The following TNRC18 variants were observed in gnomAD, a reference collection of about 807,000 sequenced individuals.
The protein encoded by TNRC18 is trinucleotide repeat containing 18.
In TNRC18, 69 loss-of-function variants were observed where a neutral mutation model predicts 226.7. That is an observed-to-expected ratio of 0.30 (90% CI 0.25 to 0.37). TNRC18 has a LOEUF of 0.37. TNRC18 is among the 10% of genes least tolerant of loss of function. The probability of loss-of-function intolerance (pLI) is 1.00; values close to 1 mark genes in which losing one functional copy is unlikely to be tolerated. For synonymous variants in TNRC18, 2,449 were observed against 1,927.6 expected (o/e 1.27, Z -7.09); for missense variants, 4,754 against 4,256.6 (o/e 1.12, Z -3.25).
rs567864119 is a variant in TNRC18, at chr7:5,395,518, C to A, written c.188-923G>T. Reference sequence around the variant, plus strand: ...GGGGCTCTGTCCCACGAGCCCCAAACGCCATCCCCTCTAAGGGAAGACCCT... The same window carrying A: ...GGGGCTCTGTCCCACGAGCCCCAAAAGCCATCCCCTCTAAGGGAAGACCCT... On this transcript the variant is annotated intron_variant, in intron 2 of 29. Coordinates refer to ENST00000430969, the MANE Select transcript of TNRC18 (RefSeq NM_001080495.3). Among the ~76,000 whole-genome samples, 3 of 152,370 alleles carry A rather than the reference C, an allele frequency of 2.0e-5. No individual in the cohort carries two copies. The East Asian group carries it at 5.8e-4, about 29-fold the overall frequency.
chr7:5,367,000 G>A lies in TNRC18; in HGVS notation c.4219+3375C>T, dbSNP rs559681737. Among the ~76,000 whole-genome samples, 66 of 152,298 alleles carry A rather than the reference G, an allele frequency of 4.3e-4. 1 individual carries two copies. Among genetic ancestry groups the A allele is most frequent in the African/African-American group, 1.3e-3 (54 of 41,572 alleles). ...AGGTGACCTCTGTGGGAGACAGGGCGTTTGCAGAGGTGGTCAAGTTCAAGT... is the reference window on the plus strand; with the variant it reads ...AGGTGACCTCTGTGGGAGACAGGGCATTTGCAGAGGTGGTCAAGTTCAAGT... On this transcript the variant is annotated intron_variant, in intron 11 of 29. Coordinates refer to ENST00000430969, the MANE Select transcript of TNRC18 (RefSeq NM_001080495.3).
Position 5,332,615 on chromosome 7 carries a change from C to T in TNRC18, c.6147+7G>A. 2.0e-6 allele frequency: 3 copies of T among 1,521,578 alleles called. No homozygotes were observed. Among genetic ancestry groups the T allele is most frequent in the Non-Finnish European group, 2.6e-6 (3 of 1,136,532 alleles). The allele number at this position is 1,521,578 out of a possible 1,614,324, so 94.3% of individuals were successfully genotyped here. ...TCTGCGGCACCCCCTCCCAGCGCGGCCCCTACCTTCCTGGGGTCCTTCCTG... is the reference window on the plus strand; with the variant it reads ...TCTGCGGCACCCCCTCCCAGCGCGGTCCCTACCTTCCTGGGGTCCTTCCTG... On this transcript the variant is annotated splice_region_variant and intron_variant, in intron 19 of 29. Coordinates refer to ENST00000430969, the MANE Select transcript of TNRC18 (RefSeq NM_001080495.3).
intron 5 of TNRC18, among the ~76,000 whole-genome samples, chr7:5,385,705 G>A (rs556605000): frequency 2.7e-4 from 41 of 150,256 alleles, no homozygotes; most frequent in Non-Finnish European, 4.6e-4. Context: ...CAAGCATGGT[G>A]GCTCACACCT....
rs138233851 is a variant in TNRC18 at position 5,314,483 on chromosome 7, C to G, written c.7027+501G>C. On this transcript the variant is annotated intron_variant, in intron 26 of 29. Transcript: ENST00000430969. The stretch of plus-strand genomic sequence containing the variant: ...CAGCTCAGCTGTGCCTCTGACAAAC[C>G]AACCTGCCTCCCTCAGCCTCAGTTT... 5.8e-3 allele frequency among the ~76,000 whole-genome samples: 885 copies of G among 152,090 alleles called. 11 individuals carry two copies. The highest frequency in any genetic ancestry group is 0.02 in the African/African-American group (834 of 41,474).
At chr7:5,375,943 T>C (rs1363021743) in intron 9 of TNRC18, 91 bp downstream of exon 9, 1 of 1,312,610 alleles carries the variant, frequency 7.6e-7, no homozygotes, top group Non-Finnish European at 1.0e-6. Flanking sequence ...TCCCTCCCTG[T>C]AACTGTCTGG....
At chr7:5,374,027 G>A (rs772100803) in intron 10 of TNRC18, 28 bp downstream of exon 10, 1 of 1,500,168 alleles carries the variant, frequency 6.7e-7, no homozygotes, top group Non-Finnish European at 8.9e-7. Context: ...GGCAGAGTGA[G>A]ACCCTGAGGG....
intron 19 of TNRC18, among the ~76,000 whole-genome samples, chr7:5,328,051 G>A (rs1395195844): frequency 3.3e-5 from 5 of 150,650 alleles, no homozygotes; most frequent in Admixed American, 6.6e-5. Flanking sequence ...GTGAAACCCC[G>A]TCTCTACTAA....
At position 5,307,975 on chromosome 7, in the gene TNRC18, C is replaced by A; in HGVS notation, c.*131G>T. The A allele has an allele frequency of 4.9e-6, 4 of 815,480 alleles. No homozygotes were observed. The highest frequency in any genetic ancestry group is 2.7e-5 in the East Asian group (1 of 37,306). The allele number at this position is 815,480 out of a possible 1,614,324, so 50.5% of individuals were successfully genotyped here. ...ACTCACCCGGGCATCCACGTGCACA[C>A]CTGGCCCCATGCACACGCCTGCAGG... On this transcript the variant is annotated 3_prime_UTR_variant, in exon 30 of 30. Coordinates refer to ENST00000430969, the MANE Select transcript of TNRC18 (RefSeq NM_001080495.3).
intron 1 of TNRC18, among the ~76,000 whole-genome samples, chr7:5,422,192 A>G (rs1264022728): frequency 6.6e-6 from 1 of 151,964 alleles, no homozygotes; most frequent in East Asian, 1.9e-4. Context: ...AAAGAATCCT[A>G]CAAAACAAGC....
intron 2 of TNRC18, among the ~76,000 whole-genome samples, chr7:5,406,072 T>C (rs1002369570): frequency 4.6e-5 from 7 of 152,136 alleles, no homozygotes; most frequent in African/African-American, 1.7e-4. Flanking sequence ...CAGTGGAATA[T>C]TATTCAGCCC....
rs1562565644 is a variant in TNRC18, at chr7:5,371,067, T to A, written c.3527A>T (p.Glu1176Val). 1 of 1,611,446 alleles carries A rather than the reference T, an allele frequency of 6.2e-7. No homozygotes were observed. Among genetic ancestry groups the A allele is most frequent in the Non-Finnish European group, 8.5e-7 (1 of 1,179,644 alleles). ...DEGPTELPPL[E>V]SPLPLPAAEA... ...CGCGGCGGGCAGTGGCAGCGGCGACTCCAGAGGCGGCAGCTCTGTGGGGCC... is the reference window on the plus strand; with the variant it reads ...CGCGGCGGGCAGTGGCAGCGGCGACACCAGAGGCGGCAGCTCTGTGGGGCC... The change falls in exon 11 of 30, where the codon GAG (glutamate) becomes GTG (valine). Residue 1176 changes from glutamate to valine, a missense_variant. Glu to Val is a moderately radical substitution (Grantham distance 121). Transcript: ENST00000430969.
At chr7:5,316,375 G>A (rs1377206688) in intron 24 of TNRC18, among the ~76,000 whole-genome samples, 2 of 147,846 alleles carry the variant, frequency 1.4e-5, no homozygotes, top group Non-Finnish European at 3.0e-5. Context: ...CGCCTCCCGG[G>A]TTCAAGTGAT....
At chr7:5,393,409 G>A (rs1408629980) in intron 3 of TNRC18, among the ~76,000 whole-genome samples, 2 of 152,256 alleles carry the variant, frequency 1.3e-5, no homozygotes, top group Admixed American at 1.3e-4. Context: ...GGGGTCCTGT[G>A]ACTAGAGACG....
chr7:5,374,556 T>TCCCC (rs1178284845), intron 9 of TNRC18, 72 bp from the exon 10 acceptor site: 2 of 1,457,566 alleles, frequency 1.4e-6, no homozygotes, highest in Admixed American at 2.2e-5. Flanking sequence ...ACCTGCCCTG[T>TCCCC]CCCCCCAAGG....
At chr7:5,338,936 A>G (rs949979174) in intron 18 of TNRC18, among the ~76,000 whole-genome samples, 1 of 150,178 alleles carries the variant, frequency 6.7e-6, no homozygotes, top group Non-Finnish European at 1.5e-5. Flanking sequence ...GAAAAAAAAA[A>G]AAAAAAAAAA....
At chr7:5,358,928 G>T (rs375382511) in intron 15 of TNRC18, among the ~76,000 whole-genome samples, 1 of 152,194 alleles carries the variant, frequency 6.6e-6, no homozygotes, top group South Asian at 2.1e-4. Context: ...TCAATGTTCT[G>T]AAGAAATAAG....
chr7:5,414,337 T>C (rs1264297403), intron 2 of TNRC18, among the ~76,000 whole-genome samples: 1 of 150,884 alleles, frequency 6.6e-6, no homozygotes, highest in Admixed American at 6.6e-5. Flanking sequence ...AAAATAGATA[T>C]TTTTTCTTTT....
At position 5,378,139 on chromosome 7, in the gene TNRC18, C is replaced by T. The variant is rs900415340; in HGVS notation, c.2153-115G>A. 9.3e-6 allele frequency: 7 copies of T among 755,256 alleles called. No homozygotes were observed. The Admixed American group carries it at 1.5e-4, about 16-fold the overall frequency. 46.8% of individuals were successfully genotyped at this position (755,256 alleles called of 1,614,324 possible). Reference sequence around the variant, plus strand: ...CCCCCAGAGCCCCGACGGTCCTGCACAGCCATCCGTGTAGTGCCTTCACCC... The same window carrying T: ...CCCCCAGAGCCCCGACGGTCCTGCATAGCCATCCGTGTAGTGCCTTCACCC... On this transcript the variant is annotated intron_variant, in intron 5 of 29. Transcript: ENST00000430969.
At position 5,359,511 on chromosome 7, in the gene TNRC18, T is replaced by C. The variant is rs1473264936; in HGVS notation, c.4720A>G (p.Lys1574Glu). 6.2e-7 allele frequency: 1 copy of C among 1,614,034 alleles called. No homozygotes were observed. Among genetic ancestry groups the C allele is most frequent in the Non-Finnish European group, 8.5e-7 (1 of 1,179,890 alleles). Residue 1574 changes from lysine to glutamate, a missense_variant, in exon 15 of 30, where the codon AAG (lysine) becomes GAG (glutamate). Coordinates refer to ENST00000430969, the MANE Select transcript of TNRC18 (RefSeq NM_001080495.3). ...DDYELGAGIR[K>E]RHKGSEEEHD... ...TCCTCCTCAGACCCCTTGTGTCTCT[T>C]TCTTATCCCTGCTCCCAGCTCATAA...
Sources: allele counts gnomAD v4.1 joint callset (sites outside exome capture counted in the v4.1 genomes callset), GRCh38; gene constraint gnomAD v4.1.1; transcripts MANE v1.5; gene names NCBI Gene and HGNC (gene_info 2026-07-23, HGNC 2026-07-21).